Variants in DYM observed in about 807,000 individuals in gnomAD.
The protein encoded by DYM is dyggve-Melchior-Clausen syndrome protein.
DYM carries 78 observed loss-of-function variants against 93.1 expected under a neutral mutation model. The ratio of observed to expected loss-of-function variants is 0.84; its 90% CI spans 0.70 to 1.01. DYM has a LOEUF of 1.01. DYM is among the 50% of genes least tolerant of loss of function. The pLI, the probability that DYM is intolerant of heterozygous loss-of-function variation, is 0.00. For missense variants in DYM, 789 were observed against 845.0 expected, an observed-to-expected ratio of 0.93 and a Z score of 0.82; for synonymous variants, 321 against 319.7, an observed-to-expected ratio of 1.00 and a Z score of -0.04.
intron 13 of DYM, among the ~76,000 whole-genome samples, chr18:49,248,264 T>C (rs1177149685): frequency 6.6e-6 from 1 of 152,206 alleles, no homozygotes; most frequent in African/African-American, 2.4e-5. Flanking sequence ...ATATAGGCAA[T>C]TCAAAAATCC....
At chr18:49,188,908 G>A (rs2090706330) in intron 14 of DYM, among the ~76,000 whole-genome samples, 1 of 152,158 alleles carries the variant, frequency 6.6e-6, no homozygotes, top group Non-Finnish European at 1.5e-5. Flanking sequence ...ATTTATAATA[G>A]CAAAGGCATG....
intron 14 of DYM, among the ~76,000 whole-genome samples, chr18:49,190,896 C>T (rs1438778085): frequency 6.6e-6 from 1 of 152,152 alleles, no homozygotes; most frequent in Non-Finnish European, 1.5e-5. Flanking sequence ...CTTTTCCCAG[C>T]TTACTTTATA....
chr18:49,135,276 T>C (rs1323060094), intron 15 of DYM, among the ~76,000 whole-genome samples: 2 of 152,262 alleles, frequency 1.3e-5, no homozygotes, highest in Non-Finnish European at 1.5e-5. Context: ...TAGATTCAAA[T>C]CAGGAGCTAC....
intron 15 of DYM, among the ~76,000 whole-genome samples, chr18:49,142,075 A>T (rs1293021655): frequency 6.0e-5 from 9 of 149,200 alleles, no homozygotes; most frequent in Non-Finnish European, 1.0e-4. Flanking sequence ...GTTTGCCAGG[A>T]TGGTCTCGAT....
At chr18:49,424,615 A>T (rs1288401369) in intron 2 of DYM, among the ~76,000 whole-genome samples, 1 of 152,024 alleles carries the variant, frequency 6.6e-6, no homozygotes, top group Admixed American at 6.6e-5. Context: ...TTATCTCTGC[A>T]GATGATGTGA....
At chr18:49,098,140 GAAAAC>G (rs928293215) in intron 16 of DYM, among the ~76,000 whole-genome samples, 4 of 152,054 alleles carry the variant, frequency 2.6e-5, no homozygotes, top group Non-Finnish European at 5.9e-5. Flanking sequence ...ACTAAAAAAT[GAAAAC>G]AAAACATCAT....
At chr18:49,245,707 A>T (rs1194654588) in intron 13 of DYM, among the ~76,000 whole-genome samples, 3 of 152,062 alleles carry the variant, frequency 2.0e-5, no homozygotes, top group Admixed American at 2.0e-4. Flanking sequence ...TTGCCTTGTG[A>T]TCTTTTATTG....
chr18:49,313,489 A>G (rs1245863029), intron 8 of DYM, among the ~76,000 whole-genome samples: 1 of 143,016 alleles, frequency 7.0e-6, no homozygotes, highest in African/African-American at 2.6e-5. Flanking sequence ...AAAAAAAAAA[A>G]AAAAAAAAGG....
intron 17 of DYM, chr18:49,048,115 T>C (rs1031467550): frequency 6.6e-6 from 1 of 152,236 alleles, no homozygotes; most frequent in Non-Finnish European, 1.5e-5. Flanking sequence ...ATCCTTAAAT[T>C]TGATTCTCTT....
chr18:49,079,371 T>C (rs533132030), intron 17 of DYM, among the ~76,000 whole-genome samples: 1 of 152,154 alleles, frequency 6.6e-6, no homozygotes, highest in East Asian at 1.9e-4. Context: ...CTGAATAATA[T>C]TAATGTTACA....
intron 15 of DYM, among the ~76,000 whole-genome samples, chr18:49,161,012 G>A (rs753970773): frequency 1.3e-5 from 2 of 151,512 alleles, no homozygotes; most frequent in African/African-American, 2.4e-5. Context: ...TCTGAGAAAA[G>A]GCAGCAAAAT....
At chr18:49,364,165 C>T (rs950856096) in intron 5 of DYM, among the ~76,000 whole-genome samples, 1 of 152,178 alleles carries the variant, frequency 6.6e-6, no homozygotes, top group Non-Finnish European at 1.5e-5. Context: ...CACTCCTGGG[C>T]TGGGTGTGGT....
At position 49,317,271 on chromosome 18, in the gene DYM, A is replaced by T. The variant is rs554506399; in HGVS notation, c.763+14593T>A. On this transcript the variant is annotated intron_variant, in intron 8 of 17. Transcript: ENST00000675505. ...TAAAGAATTAAAAGGATAAAGATAC[A>T]ACCATAAAGAGAATGATAGTGGAGC... Among the ~76,000 whole-genome samples, 4 of 152,384 alleles carry T rather than the reference A, an allele frequency of 2.6e-5. No homozygotes were observed. The South Asian group carries it at 8.3e-4, about 32-fold the overall frequency.
At chr18:49,124,839 G>A (rs961074539) in intron 15 of DYM, among the ~76,000 whole-genome samples, 1 of 152,190 alleles carries the variant, frequency 6.6e-6, no homozygotes, top group African/African-American at 2.4e-5. Context: ...ATGCTAGAAA[G>A]AATCTTCTGT....
intron 2 of DYM, among the ~76,000 whole-genome samples, chr18:49,422,549 T>C (rs1239382571): frequency 6.6e-6 from 1 of 152,044 alleles, no homozygotes; most frequent in Non-Finnish European, 1.5e-5. Flanking sequence ...CATAACAATA[T>C]TAACCTTAAA....
At chr18:49,346,094 G>C (rs1287139903) in intron 6 of DYM, among the ~76,000 whole-genome samples, 1 of 152,186 alleles carries the variant, frequency 6.6e-6, no homozygotes, top group African/African-American at 2.4e-5. Context: ...GTTAAATACA[G>C]AGTTACCATA....
At chr18:49,399,811 C>A (rs1179013907) in intron 2 of DYM, among the ~76,000 whole-genome samples, 1 of 151,970 alleles carries the variant, frequency 6.6e-6, no homozygotes, top group Non-Finnish European at 1.5e-5. Flanking sequence ...TACCAGGAGA[C>A]AGAATTATTT....
intron 16 of DYM, among the ~76,000 whole-genome samples, chr18:49,106,545 G>A (rs1483038252): frequency 2.0e-5 from 3 of 152,136 alleles, no homozygotes; most frequent in Non-Finnish European, 2.9e-5. Flanking sequence ...GGCTGGTACC[G>A]GTTGTTCCTT....
rs200473977 is a variant in DYM at position 49,298,650 on chromosome 18, A to AG, written c.764-12035dup. Among the ~76,000 whole-genome samples, 664 of 152,248 alleles carry AG rather than the reference A, an allele frequency of 4.4e-3. 2 individuals are homozygous for AG. The highest frequency in any genetic ancestry group is 6.1e-3 in the Non-Finnish European group (413 of 68,012). ...TCTGGCATAATATATGTCATATGGA[A>AG]GTTTTTTTTAAGTTTAATTCCTTGA... On this transcript the variant is annotated intron_variant, in intron 8 of 17. Transcript: ENST00000675505.
Sources: allele counts gnomAD v4.1 joint callset (sites outside exome capture counted in the v4.1 genomes callset), GRCh38; gene constraint gnomAD v4.1.1; transcripts MANE v1.5; gene names NCBI Gene and HGNC (gene_info 2026-07-23, HGNC 2026-07-21).